The following DOCK9 variants were observed in gnomAD, a reference collection of about 807,000 sequenced individuals.
DOCK9 encodes dedicator of cytokinesis protein 9.
Under a neutral mutation model 263.3 loss-of-function variants are expected in DOCK9, and 89 were observed. The ratio of observed to expected loss-of-function variants is 0.34; its 90% CI spans 0.28 to 0.40. The LOEUF is 0.40. DOCK9 is among the 10% of genes least tolerant of loss of function. The pLI, the probability that DOCK9 is intolerant of heterozygous loss-of-function variation, is 1.00. For missense variants in DOCK9, 2,140 were observed against 2,603.4 expected (o/e 0.82, Z 3.87); for synonymous variants, 976 against 973.1 (o/e 1.00, Z -0.06).
At chr13:99,041,156 T>C (rs1183885289) in intron 1 of DOCK9, among the ~76,000 whole-genome samples, 3 of 152,214 alleles carry the variant, frequency 2.0e-5, no homozygotes, top group Admixed American at 6.5e-5. Flanking sequence ...TGTATTTTTT[T>C]CCCCTGATTT....
intron 1 of DOCK9, among the ~76,000 whole-genome samples, chr13:98,970,472 G>A (rs2059627981): frequency 6.6e-6 from 1 of 152,230 alleles, no homozygotes; most frequent in South Asian, 2.1e-4. Flanking sequence ...TGGCTTAGAA[G>A]TGCCAAGTGA....
At chr13:99,071,211 C>T (rs2041654049) in intron 1 of DOCK9, among the ~76,000 whole-genome samples, 1 of 149,228 alleles carries the variant, frequency 6.7e-6, no homozygotes, top group Non-Finnish European at 1.5e-5. Context: ...GGTGTGAACA[C>T]AGCTCACTGC....
intron 1 of DOCK9, among the ~76,000 whole-genome samples, chr13:99,070,201 A>G (rs1452658729): frequency 6.6e-6 from 1 of 152,240 alleles, no homozygotes; most frequent in Non-Finnish European, 1.5e-5. Context: ...CATGTGTACA[A>G]GCACTAAGAT....
intron 32 of DOCK9, among the ~76,000 whole-genome samples, chr13:98,862,691 GAAAA>G (rs34466160): frequency 6.9e-6 from 1 of 145,972 alleles, no homozygotes; most frequent in Non-Finnish European, 1.5e-5. Context: ...TTATCTTGGG[GAAAA>G]AAAAAAAAAT....
At chr13:98,950,103 GA>G (rs2057231385) in intron 2 of DOCK9, 5 of 501,358 alleles carry the variant, frequency 1.0e-5, no homozygotes, top group Admixed American at 3.0e-5. Context: ...AGATACCACT[GA>G]AAATTTTCTT....
rs760159688 is a variant in DOCK9 at position 98,800,272 on chromosome 13, G to C, written c.5916+16C>G. The C allele has an allele frequency of 6.3e-7, 1 of 1,581,018 alleles. No homozygotes were observed. The highest frequency in any genetic ancestry group is 8.6e-7 in the Non-Finnish European group (1 of 1,162,772). On this transcript the variant is annotated intron_variant, in intron 50 of 52. Transcript: ENST00000682017. ...GACGTCCCCTGCTGCCCTCCGGCCTGCTGTGCCTGGCTCACCTGAACACTC... is the reference window on the plus strand; with the variant it reads ...GACGTCCCCTGCTGCCCTCCGGCCTCCTGTGCCTGGCTCACCTGAACACTC...
chr13:98,810,321 G>A, intron 45 of DOCK9, 30 bp from the exon 46 acceptor site: 1 of 1,611,332 alleles, frequency 6.2e-7, no homozygotes, highest in East Asian at 2.2e-5. Flanking sequence ...AACAGCAAGA[G>A]AAGAGCGTTA....
intron 1 of DOCK9, among the ~76,000 whole-genome samples, chr13:99,050,980 G>C (rs1207980931): frequency 6.6e-6 from 1 of 152,214 alleles, no homozygotes; most frequent in African/African-American, 2.4e-5. Context: ...ACAGGTGGAC[G>C]TAAGAAGGAT....
chr13:98,877,036 T>C (rs1373206209), intron 27 of DOCK9, among the ~76,000 whole-genome samples: 1 of 152,254 alleles, frequency 6.6e-6, no homozygotes, highest in Non-Finnish European at 1.5e-5. Flanking sequence ...AGGTTGTGCA[T>C]GGTAGCATTT....
intron 1 of DOCK9, among the ~76,000 whole-genome samples, chr13:99,003,573 C>A (rs1882782105): frequency 6.6e-6 from 1 of 152,236 alleles, no homozygotes; most frequent in Non-Finnish European, 1.5e-5. Context: ...TTTCCCAATT[C>A]TTCCTGATCC....
intron 39 of DOCK9, chr13:98,834,379 C>T (rs1011822524): frequency 2.6e-5 from 4 of 152,214 alleles, no homozygotes; most frequent in East Asian, 1.9e-4. Context: ...GTTACAGATG[C>T]TTGCCAATCA....
intron 27 of DOCK9, among the ~76,000 whole-genome samples, chr13:98,869,015 G>A (rs962737746): frequency 2.2e-4 from 34 of 152,206 alleles, no homozygotes; most frequent in African/African-American, 8.2e-4. Context: ...GCAAGAACCT[G>A]CATTTTTACT....
At chr13:98,800,096 C>CG (rs1290858041) in intron 50 of DOCK9, among the ~76,000 whole-genome samples, 192 bp downstream of exon 50, 2 of 151,758 alleles carry the variant, frequency 1.3e-5, no homozygotes, top group Non-Finnish European at 2.9e-5. Context: ...CCTCATGGGG[C>CG]GGGGGGCAGG....
At chr13:98,971,976 C>G (rs1371933932) in intron 1 of DOCK9, among the ~76,000 whole-genome samples, 1 of 152,112 alleles carries the variant, frequency 6.6e-6, no homozygotes, top group Non-Finnish European at 1.5e-5. Context: ...TGTGTTTTTC[C>G]TTTCTTGTTT....
At position 98,934,098 on chromosome 13, in the gene DOCK9, T is replaced by C. The variant is rs184074411; in HGVS notation, c.244-3841A>G. On this transcript the variant is annotated intron_variant, in intron 2 of 52. Transcript: ENST00000682017. ...TTTTTGGAGAGATGGGGGCGGGGGG[T>C]CTCACCATTTTGTCCAGGCTGGTCT... 3.3e-5 allele frequency among the ~76,000 whole-genome samples: 5 copies of C among 150,678 alleles called. No homozygotes were observed. The East Asian group carries it at 9.7e-4, about 29-fold the overall frequency.
chr13:98,979,229 T>TAGTAGTAGTAGCAGCAGCAGCAGC (rs1555439294), upstream of DOCK9, among the ~76,000 whole-genome samples: 100 of 125,072 alleles, frequency 8.0e-4, no homozygotes, highest in South Asian at 2.1e-3. Context: ...GTAGTAGTAG[T>TAGTAGTAGTAGCAGCAGCAGCAGC]AGCAGCAGCG....
intron 1 of DOCK9, among the ~76,000 whole-genome samples, chr13:99,012,941 C>A (rs2141951579): frequency 6.6e-6 from 1 of 152,276 alleles, no homozygotes; most frequent in South Asian, 2.1e-4. Flanking sequence ...GTGATTTTAA[C>A]TAATCTTCTC....
chr13:99,047,241 T>G (rs2040477485), intron 1 of DOCK9, among the ~76,000 whole-genome samples: 1 of 152,194 alleles, frequency 6.6e-6, no homozygotes, highest in African/African-American at 2.4e-5. Flanking sequence ...TACATATTTT[T>G]TATTTCCTCA....
At position 98,991,158 on chromosome 13, in the gene DOCK9, G is replaced by A. The variant is rs370154696; in HGVS notation, c.130-35607C>T. 1.8e-3 allele frequency among the ~76,000 whole-genome samples: 267 copies of A among 151,486 alleles called. 10 individuals carry two copies. In the South Asian group the frequency reaches 0.048, roughly 27 times the overall value. ...ATGATTTTGGCTCACCACAACCTCC[G>A]CCTCCTGGGTTCACGTTGATTCTTT... On this transcript the variant is annotated intron_variant, in intron 1 of 32. Coordinates refer to the DOCK9 transcript ENST00000427887.
Sources: allele counts gnomAD v4.1 joint callset (sites outside exome capture counted in the v4.1 genomes callset), GRCh38; gene constraint gnomAD v4.1.1; transcripts MANE v1.5; gene names NCBI Gene and HGNC (gene_info 2026-07-23, HGNC 2026-07-21).